DGKI: variants seen among roughly 807,000 people sequenced by gnomAD.
DGKI encodes the protein diacylglycerol kinase iota.
A neutral mutation model predicts 147.5 loss-of-function variants in DGKI; 55 were observed. That is an observed-to-expected ratio of 0.37 (90% CI 0.30 to 0.47). The LOEUF is 0.47. Ranked by LOEUF, DGKI falls within the 20% of genes least tolerant of loss-of-function variation. The pLI, the probability that DGKI is intolerant of heterozygous loss-of-function variation, is 1.00. For missense variants in DGKI, 1,007 were observed against 1,323.8 expected (o/e 0.76, Z 3.71); for synonymous variants, 469 against 477.1 (o/e 0.98, Z 0.22).
intron 1 of DGKI, among the ~76,000 whole-genome samples, chr7:137,769,451 T>G (rs1018413196): frequency 3.9e-5 from 6 of 152,088 alleles, no homozygotes; most frequent in Non-Finnish European, 8.8e-5. Flanking sequence ...CAAAAGCAAT[T>G]GCAACAAAAG....
Position 137,442,658 on chromosome 7 carries a change from A to G in DGKI, c.2761+1419T>C, listed in dbSNP as rs536605154. 1.8e-3 allele frequency among the ~76,000 whole-genome samples: 280 copies of G among 152,358 alleles called. 2 individuals are homozygous for G. The highest frequency in any genetic ancestry group is 0.01 in the Middle Eastern group (3 of 294). ...TGATCCTGACTTAATGGGCCTGAAC[A>G]TAATTTTCCCTATGATTCTTCATAG... On this transcript the variant is annotated intron_variant, in intron 28 of 32. Coordinates refer to ENST00000614521, the MANE Select transcript of DGKI (RefSeq NM_001321708.2).
intron 28 of DGKI, among the ~76,000 whole-genome samples, chr7:137,415,294 A>G (rs1010688811): frequency 6.6e-6 from 1 of 152,228 alleles, no homozygotes; most frequent in African/African-American, 2.4e-5. Context: ...AACAGTAAAA[A>G]TTACAATAAA....
chr7:137,400,540 G>A (rs1032233377), intron 30 of DGKI, among the ~76,000 whole-genome samples: 12 of 152,080 alleles, frequency 7.9e-5, no homozygotes, highest in African/African-American at 2.4e-4. Context: ...ATGAAGGTGG[G>A]GACAAGGAAG....
chr7:137,557,904 A>C (rs759831651), intron 19 of DGKI, among the ~76,000 whole-genome samples: 2 of 152,160 alleles, frequency 1.3e-5, no homozygotes, highest in Non-Finnish European at 1.5e-5. Context: ...CTTGATGCTA[A>C]TAACACCATC....
At chr7:137,678,697 G>C (rs758563683) in intron 2 of DGKI, 45 bp from the exon 3 acceptor site, 6 of 1,540,258 alleles carry the variant, frequency 3.9e-6, no homozygotes, top group Non-Finnish European at 5.4e-6. Context: ...TTTTTCCAGG[G>C]ATAAGGAAAA....
chr7:137,632,814 A>G (rs2129002457), intron 6 of DGKI, among the ~76,000 whole-genome samples: 1 of 152,064 alleles, frequency 6.6e-6, no homozygotes, highest in Non-Finnish European at 1.5e-5. Context: ...AGCCGAGATC[A>G]TGCCACTGAA....
intron 31 of DGKI, among the ~76,000 whole-genome samples, chr7:137,396,983 A>C (rs1222751425): frequency 6.6e-6 from 1 of 152,230 alleles, no homozygotes; most frequent in Admixed American, 6.5e-5. Flanking sequence ...ATGTCACTAC[A>C]TGTGAATAAT....
chr7:137,423,357 C>T (rs567996769), intron 28 of DGKI, among the ~76,000 whole-genome samples: 12 of 152,156 alleles, frequency 7.9e-5, no homozygotes, highest in Non-Finnish European at 1.8e-4. Flanking sequence ...CCTGAACTCA[C>T]TGGATGTGTT....
At position 137,572,644 on chromosome 7, in the gene DGKI, T is replaced by A. The variant is rs919646608; in HGVS notation, c.1835+121A>T. 54 of 666,736 alleles carry A rather than the reference T, an allele frequency of 8.1e-5. No homozygotes were observed. In the African/African-American group the frequency reaches 9.6e-4, roughly 12 times the overall value. The allele number at this position is 666,736 out of a possible 1,614,324, so 41.3% of individuals were successfully genotyped here. The stretch of plus-strand genomic sequence containing the variant: ...ATGAATTATCAGACCTAGAAATCTT[T>A]AATTACCCATTTAGATAACTGATCT... On this transcript the variant is annotated intron_variant, in intron 18 of 32. Transcript: ENST00000614521.
At chr7:137,431,854 G>A (rs925028062) in intron 28 of DGKI, among the ~76,000 whole-genome samples, 5 of 152,148 alleles carry the variant, frequency 3.3e-5, no homozygotes, top group Admixed American at 2.6e-4. Context: ...CCACCCATTC[G>A]AAAGTTGCAA....
chr7:137,579,749 CATTTCAT>C (rs1362286929), intron 15 of DGKI, among the ~76,000 whole-genome samples: 1 of 152,028 alleles, frequency 6.6e-6, no homozygotes. Context: ...TTTACAATTC[CATTTCAT>C]ACTGCATCAA....
At chr7:137,449,583 T>C (rs1813869794) in intron 27 of DGKI, among the ~76,000 whole-genome samples, 1 of 152,104 alleles carries the variant, frequency 6.6e-6, no homozygotes, top group South Asian at 2.1e-4. Flanking sequence ...CAATGATTAT[T>C]TTGGACATGA....
At chr7:137,715,473 C>G (rs954911899) in intron 1 of DGKI, among the ~76,000 whole-genome samples, 1 of 152,236 alleles carries the variant, frequency 6.6e-6, no homozygotes, top group African/African-American at 2.4e-5. Flanking sequence ...ATGAGACCCA[C>G]TGCCCTCTCC....
At chr7:137,485,220 T>C (rs1351454312) in intron 23 of DGKI, among the ~76,000 whole-genome samples, 154 bp downstream of exon 23, 5 of 151,978 alleles carry the variant, frequency 3.3e-5, no homozygotes, top group Non-Finnish European at 5.9e-5. Context: ...ATCAGGAAAA[T>C]GCAAAAGAAT....
intron 12 of DGKI, among the ~76,000 whole-genome samples, chr7:137,591,940 G>C (rs984779372): frequency 1.3e-5 from 2 of 152,148 alleles, no homozygotes; most frequent in Non-Finnish European, 2.9e-5. Context: ...TTTGCAGACT[G>C]TAAAGAACAG....
intron 1 of DGKI, among the ~76,000 whole-genome samples, chr7:137,708,452 T>C (rs1183437518): frequency 1.3e-5 from 2 of 152,220 alleles, no homozygotes; most frequent in Non-Finnish European, 2.9e-5. Context: ...CCTTAACCAC[T>C]GGCAGCTCTC....
chr7:137,622,827 G>T (rs757095409), intron 7 of DGKI, among the ~76,000 whole-genome samples: 1 of 152,078 alleles, frequency 6.6e-6, no homozygotes, highest in Non-Finnish European at 1.5e-5. Flanking sequence ...GAGGAATTAC[G>T]CTCTAAATAA....
At chr7:137,720,082 C>T (rs1794499578) in intron 1 of DGKI, among the ~76,000 whole-genome samples, 1 of 152,024 alleles carries the variant, frequency 6.6e-6, no homozygotes, top group Non-Finnish European at 1.5e-5. Flanking sequence ...ATTTTGCAGA[C>T]GATTCTCACA....
intron 1 of DGKI, among the ~76,000 whole-genome samples, chr7:137,830,313 C>T (rs1249909287): frequency 2.6e-5 from 4 of 152,180 alleles, no homozygotes; most frequent in African/African-American, 7.2e-5. Flanking sequence ...GTAGGTGTAT[C>T]CTGCACCAGA....
Sources: allele counts gnomAD v4.1 joint callset (sites outside exome capture counted in the v4.1 genomes callset), GRCh38; gene constraint gnomAD v4.1.1; transcripts MANE v1.5; gene names NCBI Gene and HGNC (gene_info 2026-07-23, HGNC 2026-07-21).